The following C1orf141 variants were observed in gnomAD, a reference collection of about 807,000 sequenced individuals.
The protein encoded by C1orf141 is uncharacterized protein C1orf141.
C1orf141 carries 19 observed loss-of-function variants against 23.2 expected under a neutral mutation model. The observed-to-expected ratio is 0.82, with a 90% CI of 0.57 to 1.20. The LOEUF (loss-of-function observed/expected upper bound fraction) is 1.20, where lower values mean the gene tolerates loss of function less well. Ranked by LOEUF, C1orf141 falls within the 50% of genes most tolerant of loss-of-function variation. The pLI is 0.00. For synonymous variants in C1orf141, 153 were observed against 154.6 expected (o/e 0.99, Z 0.08); for missense variants, 469 against 455.1 (o/e 1.03, Z -0.28).
At chr1:67,135,906 CAAAAAAAA>C (rs59519661), upstream of C1orf141, among the ~76,000 whole-genome samples, 2 of 62,620 alleles carry the variant, frequency 3.2e-5, no homozygotes, top group African/African-American at 7.6e-5. Context: ...GGCAAAACTG[CAAAAAAAA>C]AAAAAAAAAA....
intron 2 of C1orf141, among the ~76,000 whole-genome samples, chr1:67,128,136 G>A (rs7528804): frequency 0.88 from 133,650 of 152,072 alleles, 58,841 homozygotes; most frequent in East Asian, 0.98. Context: ...TTGCCATAAT[G>A]GTTCATATTT....
At chr1:67,098,937 T>C (rs2863200) in intron 5 of C1orf141, among the ~76,000 whole-genome samples, 119,234 of 152,054 alleles carry the variant, frequency 0.78, 46,786 homozygotes, top group East Asian at 0.85. Context: ...TTGAGGGATT[T>C]GCCAAGAATG....
At chr1:67,109,189 T>C (rs1291675745) in intron 5 of C1orf141, among the ~76,000 whole-genome samples, 1 of 151,858 alleles carries the variant, frequency 6.6e-6, no homozygotes, top group African/African-American at 2.4e-5. Flanking sequence ...TTAGCCAGCA[T>C]GGTGGCTGAC....
chr1:67,122,597 C>A (rs1168457435), intron 4 of C1orf141: 1 of 152,096 alleles, frequency 6.6e-6, no homozygotes, highest in African/African-American at 2.4e-5. Context: ...TAAAAGAATT[C>A]TTTGACTGCT....
intron 2 of C1orf141, among the ~76,000 whole-genome samples, chr1:67,130,670 G>T (rs1273210968): frequency 6.6e-6 from 1 of 151,760 alleles, no homozygotes; most frequent in Non-Finnish European, 1.5e-5. Context: ...ATGATTTCTG[G>T]AAAATCACTG....
chr1:67,116,208 C>A (rs1482840257), intron 4 of C1orf141, among the ~76,000 whole-genome samples: 2 of 152,178 alleles, frequency 1.3e-5, no homozygotes, highest in African/African-American at 4.8e-5. Flanking sequence ...TCCACCATCC[C>A]CTTCCTGATC....
Position 67,113,700 on chromosome 1 carries a change from A to G in C1orf141, c.346+1652T>C, listed in dbSNP as rs765002378. The G allele has an allele frequency of 5.5e-6, 7 of 1,280,458 alleles. No homozygotes were observed. In the South Asian group the frequency reaches 6.3e-5, roughly 11 times the overall value. 79.3% of individuals were successfully genotyped at this position (1,280,458 alleles called of 1,614,324 possible). ...AAGAAGTACAAGTTTCATACTAAGT[A>G]CAATGAGAATCCGCTGAAGAGGCTT... is the stretch of plus-strand genomic sequence containing the variant. On this transcript the variant is annotated intron_variant, in intron 5 of 7. Transcript: ENST00000684719.
chr1:67,132,596 G>C (rs925759875), intron 1 of C1orf141, among the ~76,000 whole-genome samples: 6 of 151,992 alleles, frequency 3.9e-5, no homozygotes, highest in African/African-American at 1.4e-4. Flanking sequence ...AGCAAGAATT[G>C]ACTTATCCAC....
At chr1:67,098,797 T>C (rs560379728) in intron 5 of C1orf141, among the ~76,000 whole-genome samples, 134 of 152,230 alleles carry the variant, frequency 8.8e-4, no homozygotes, top group Non-Finnish European at 1.6e-3. Context: ...AATAAGCTAG[T>C]ATTCAGTAAA....
In C1orf141 at chr1:67,093,876, A is replaced by AT. The variant is rs1403580338; in HGVS notation, c.604-273_604-272insA. The stretch of plus-strand genomic sequence containing the variant: ...TTTGAAATAAATTGGAATACGAAAA[A>AT]ATTAATATATTTGTTAAATATCTGG... On this transcript the variant is annotated intron_variant, in intron 7 of 7. Coordinates refer to ENST00000684719, the MANE Select transcript of C1orf141 (RefSeq NM_001276351.2). 1.2e-4 allele frequency: 24 copies of AT among 203,252 alleles called. 1 individual carries two copies. The highest frequency in any genetic ancestry group is 5.3e-4 in the African/African-American group (23 of 43,608). The allele number at this position is 203,252 out of a possible 1,614,324, so 12.6% of individuals were successfully genotyped here.
chr1:67,127,353 T>C, intron 2 of C1orf141, 96 bp from the exon 3 acceptor site: 1 of 671,246 alleles, frequency 1.5e-6, no homozygotes, highest in Admixed American at 2.7e-5. Context: ...ACATTACTGT[T>C]TTAGGTAAAT....
At chr1:67,121,244 A>G (rs2102480985) in intron 4 of C1orf141, among the ~76,000 whole-genome samples, 1 of 152,366 alleles carries the variant, frequency 6.6e-6, no homozygotes. Context: ...GCTGAACCAA[A>G]TAATAGTTTT....
At chr1:67,097,266 A>G (rs1214663028) in intron 5 of C1orf141, among the ~76,000 whole-genome samples, 1 of 152,184 alleles carries the variant, frequency 6.6e-6, no homozygotes, top group Non-Finnish European at 1.5e-5. Flanking sequence ...CAACAAATAA[A>G]TGTATAATAT....
In C1orf141 at chr1:67,096,325, A is replaced by G; in HGVS notation, c.347-4T>C. The G allele has an allele frequency of 2.0e-6, 3 of 1,463,928 alleles. No homozygotes were observed. The highest frequency in any genetic ancestry group is 2.8e-6 in the Non-Finnish European group (3 of 1,065,850). 90.7% of individuals were successfully genotyped at this position (1,463,928 alleles called of 1,614,324 possible). On this transcript the variant is annotated splice_polypyrimidine_tract_variant and splice_region_variant and intron_variant, in intron 5 of 7. Transcript: ENST00000684719. Reference sequence around the variant, plus strand: ...CTAGGTTTTTTTTCAATTTGAGCTGAAATTTTAAAAGATTTTCATAAAAGA... The same window carrying G: ...CTAGGTTTTTTTTCAATTTGAGCTGGAATTTTAAAAGATTTTCATAAAAGA...
At chr1:67,095,685 G>C in intron 6 of C1orf141, 1 of 311,758 alleles carries the variant, frequency 3.2e-6, no homozygotes, top group Non-Finnish European at 5.8e-6. Context: ...AGGTTGAGGA[G>C]AACACCAAAG....
chr1:67,127,277 A>C lies in C1orf141; in HGVS notation c.-17-20T>G, dbSNP rs559614650. ...AAATTCCTATTTTAAAATAAGGAGG[A>C]AGAAGAACAAATCAATTCAAATTTA... On this transcript the variant is annotated intron_variant, in intron 2 of 7. Coordinates refer to ENST00000684719, the MANE Select transcript of C1orf141 (RefSeq NM_001276351.2). 3.5e-5 allele frequency: 47 copies of C among 1,346,860 alleles called. No homozygotes were observed. The highest frequency in any genetic ancestry group is 4.2e-5 in the Non-Finnish European group (40 of 950,260). The allele number at this position is 1,346,860 out of a possible 1,614,324, so 83.4% of individuals were successfully genotyped here.
intron 5 of C1orf141, among the ~76,000 whole-genome samples, chr1:67,107,866 C>G (rs762613927): frequency 3.9e-5 from 6 of 152,170 alleles, no homozygotes; most frequent in African/African-American, 7.2e-5. Context: ...GAGTGTCCTT[C>G]TCTTAATAAA....
At chr1:67,095,870 A>T (rs1645668261) in intron 6 of C1orf141, 1 of 179,986 alleles carries the variant, frequency 5.6e-6, no homozygotes, top group African/African-American at 2.4e-5. Flanking sequence ...TTCATTATTG[A>T]TTCAAACAAA....
chr1:67,130,546 C>G lies in C1orf141; in HGVS notation c.-18+596G>C, dbSNP rs780809022. Among the ~76,000 whole-genome samples the G allele has an allele frequency of 2.0e-5, 3 of 152,254 alleles. No homozygotes were observed. The East Asian group carries it at 5.8e-4, about 29-fold the overall frequency. On this transcript the variant is annotated intron_variant, in intron 2 of 7. Coordinates refer to ENST00000684719, the MANE Select transcript of C1orf141 (RefSeq NM_001276351.2). ...TTATACACACACACATACGCACATG[C>G]ACGCACATGCACACACAGCTGTATT...
Sources: allele counts gnomAD v4.1 joint callset (sites outside exome capture counted in the v4.1 genomes callset), GRCh38; gene constraint gnomAD v4.1.1; transcripts MANE v1.5; gene names NCBI Gene and HGNC (gene_info 2026-07-23, HGNC 2026-07-21).